KIAA1143: variants seen among roughly 807,000 people sequenced by gnomAD.
KIAA1143 encodes the protein uncharacterized protein KIAA1143.
KIAA1143 carries 8 observed loss-of-function variants against 17.0 expected under a neutral mutation model. That is an observed-to-expected ratio of 0.47 (90% CI 0.28 to 0.85). The LOEUF is 0.85. Among genes scored for constraint, KIAA1143 ranks in the 40% least tolerant of loss-of-function variants. The pLI, the probability that KIAA1143 is intolerant of heterozygous loss-of-function variation, is 0.12. For missense variants in KIAA1143, 162 were observed against 183.3 expected (o/e 0.88, Z 0.67); for synonymous variants, 64 against 67.8 (o/e 0.94, Z 0.27).
intron 1 of KIAA1143, among the ~76,000 whole-genome samples, chr3:44,754,740 A>G (rs939055478): frequency 6.6e-6 from 1 of 152,172 alleles, no homozygotes; most frequent in Non-Finnish European, 1.5e-5. Flanking sequence ...TCTGAGTTAG[A>G]CAAGAAATAA....
At chr3:44,760,372 C>T (rs902266772) in intron 1 of KIAA1143, among the ~76,000 whole-genome samples, 3 of 152,168 alleles carry the variant, frequency 2.0e-5, no homozygotes, top group Non-Finnish European at 4.4e-5. Context: ...AGGATATTTA[C>T]GGCTTCTGCT....
chr3:44,759,839 G>A (rs1705035410), intron 1 of KIAA1143, among the ~76,000 whole-genome samples: 1 of 138,220 alleles, frequency 7.2e-6, no homozygotes. Flanking sequence ...AGGCTGCAGT[G>A]AGCTGTGATT....
Position 44,761,596 on chromosome 3 carries a change from T to G in KIAA1143, c.7A>C (p.Lys3Gln). Residue 3 changes from lysine to glutamine, a missense_variant, in exon 1 of 3, where the codon AAG becomes CAG. Transcript: ENST00000296121. Reference protein sequence around the residue: MSKRNQVSYVRPA... With the variant: MSQRNQVSYVRPA... Reference sequence around the variant, plus strand: ...CGCACGTACGATACCTGGTTCCGCTTGCTCATGGTAGCTCTGGGTAAAGAC... The same window carrying G: ...CGCACGTACGATACCTGGTTCCGCTGGCTCATGGTAGCTCTGGGTAAAGAC... 1 of 1,603,296 alleles carries G rather than the reference T, an allele frequency of 6.2e-7. No individual in the cohort carries two copies. Among genetic ancestry groups the G allele is most frequent in the South Asian group, 1.1e-5 (1 of 90,224 alleles).
chr3:44,757,394 C>G (rs1009742619), intron 1 of KIAA1143, among the ~76,000 whole-genome samples: 1 of 152,208 alleles, frequency 6.6e-6, no homozygotes, highest in African/African-American at 2.4e-5. Flanking sequence ...CCATGACTCT[C>G]AAATCTCTAC....
rs1005857795 is a variant in KIAA1143, at chr3:44,750,177, GAT to G, written c.*3162_*3163del. On this transcript the variant is annotated 3_prime_UTR_variant, in exon 3 of 3. Coordinates refer to ENST00000296121, the MANE Select transcript of KIAA1143 (RefSeq NM_020696.4). Reference sequence around the variant, plus strand: ...ACATAACTTACAAATTAGTAAGAAAGATATGACCATACTAATGGAAAAAAGTT... The same window carrying G: ...ACATAACTTACAAATTAGTAAGAAAGATGACCATACTAATGGAAAAAAGTT... 9.2e-5 allele frequency: 14 copies of G among 152,326 alleles called. No individual in the cohort carries two copies. Among genetic ancestry groups the G allele is most frequent in the Non-Finnish European group, 1.5e-4 (10 of 68,042 alleles). 9.4% of individuals were successfully genotyped at this position (152,326 alleles called of 1,614,324 possible).
intron 1 of KIAA1143, among the ~76,000 whole-genome samples, chr3:44,760,611 G>A (rs1236441744): frequency 2.0e-5 from 3 of 150,756 alleles, no homozygotes; most frequent in African/African-American, 4.9e-5. Context: ...GGATGGTCTC[G>A]ATCTCCTGAC....
At position 44,749,662 on chromosome 3, in the gene KIAA1143, AC is replaced by A. The variant is rs1164609723; in HGVS notation, c.*3678del. 3 of 152,246 alleles carry A rather than the reference AC, an allele frequency of 2.0e-5. No individual in the cohort carries two copies. Among genetic ancestry groups the A allele is most frequent in the Non-Finnish European group, 4.4e-5 (3 of 68,044 alleles). The allele number at this position is 152,246 out of a possible 1,614,324, so 9.4% of individuals were successfully genotyped here. Reference sequence around the variant, plus strand: ...AGATGGCCTTTCAAATAAATGAGAAACACATGGTTCTAGGACAATTGATTAT... The same window carrying A: ...AGATGGCCTTTCAAATAAATGAGAAAACATGGTTCTAGGACAATTGATTAT... On this transcript the variant is annotated 3_prime_UTR_variant, in exon 3 of 3. Coordinates refer to ENST00000296121, the MANE Select transcript of KIAA1143 (RefSeq NM_020696.4).
chr3:44,760,686 C>CTTTTT (rs543256879), intron 1 of KIAA1143, among the ~76,000 whole-genome samples: 2 of 139,174 alleles, frequency 1.4e-5, no homozygotes, highest in African/African-American at 2.7e-5. Flanking sequence ...CCAGGCCCGG[C>CTTTTT]TTTTTTTTTT....
intron 1 of KIAA1143, among the ~76,000 whole-genome samples, chr3:44,760,736 A>G (rs1320000342): frequency 1.6e-5 from 2 of 125,664 alleles, no homozygotes; most frequent in African/African-American, 3.2e-5. Context: ...TCCAGGCTGG[A>G]GTGCAGCTGC....
intron 1 of KIAA1143, among the ~76,000 whole-genome samples, chr3:44,757,458 AG>A (rs1430755820): frequency 6.6e-6 from 1 of 152,220 alleles, no homozygotes; most frequent in Admixed American, 6.5e-5. Context: ...ACCATGCTCG[AG>A]AGTCTATCTA....
At position 44,761,575 on chromosome 3, in the gene KIAA1143, C is replaced by T. The variant is rs1238280012; in HGVS notation, c.28G>A (p.Val10Met). The T allele has an allele frequency of 1.9e-6, 3 of 1,613,538 alleles. No homozygotes were observed. Among genetic ancestry groups the T allele is most frequent in the Non-Finnish European group, 2.5e-6 (3 of 1,179,992 alleles). Residue 10 changes from valine (V) to methionine (M), a missense_variant, in exon 1 of 3, where the codon GTG (valine) becomes ATG (methionine). Coordinates refer to ENST00000296121, the MANE Select transcript of KIAA1143 (RefSeq NM_020696.4). ...AGAAACGCCGGCTCGGCTGGCCGCA[C>T]GTACGATACCTGGTTCCGCTTGCTC... is the stretch of plus-strand genomic sequence containing the variant. Reference protein sequence around the residue: MSKRNQVSYVRPAEPAFLAR... With the variant: MSKRNQVSYMRPAEPAFLAR...
In KIAA1143 at chr3:44,753,597, T is replaced by G. The variant is rs755604114; in HGVS notation, c.254-45A>C. On this transcript the variant is annotated intron_variant, in intron 2 of 2. Transcript: ENST00000296121. ...TTAAGAACTTTCTTCTCCTCATTAT[T>G]TTGCCTTTACCTTAGAAGCAAATAA... The G allele has an allele frequency of 1.9e-6, 3 of 1,570,618 alleles. No individual in the cohort carries two copies. In the South Asian group the frequency reaches 3.5e-5, roughly 18 times the overall value.
chr3:44,754,866 C>A (rs573438928), intron 1 of KIAA1143, among the ~76,000 whole-genome samples: 27 of 152,310 alleles, frequency 1.8e-4, no homozygotes, highest in African/African-American at 6.5e-4. Flanking sequence ...CTATTTTCCA[C>A]GTCTATACAA....
rs571336900 is a variant in KIAA1143 at position 44,754,077 on chromosome 3, C to T, written c.253+147G>A. On this transcript the variant is annotated intron_variant, in intron 2 of 2. Coordinates refer to ENST00000296121, the MANE Select transcript of KIAA1143 (RefSeq NM_020696.4). ...AGGCTGAGAGGTGTAATAACTTGCT[C>T]AAGGTTACACATCTGGTAAGTGTCA... 3.6e-5 allele frequency: 25 copies of T among 690,332 alleles called. No individual in the cohort carries two copies. The African/African-American group carries it at 4.5e-4, about 12-fold the overall frequency. The allele number at this position is 690,332 out of a possible 1,614,324, so 42.8% of individuals were successfully genotyped here.
At chr3:44,759,758 G>A (rs995206989) in intron 1 of KIAA1143, among the ~76,000 whole-genome samples, 3 of 151,936 alleles carry the variant, frequency 2.0e-5, no homozygotes, top group Middle Eastern at 3.4e-3. Flanking sequence ...AGCCAGATGC[G>A]TTAGTTCATG....
In KIAA1143 at chr3:44,753,188, G is replaced by A; in HGVS notation, c.*153C>T. ...TAGAGTTGGCATTTTAAGTCAGAGG[G>A]GTATTGATGAATAGATGTAGTTTAT... On this transcript the variant is annotated 3_prime_UTR_variant, in exon 3 of 3. Transcript: ENST00000296121. 1.9e-6 allele frequency: 1 copy of A among 536,604 alleles called. No homozygotes were observed. The highest frequency in any genetic ancestry group is 2.9e-5 in the East Asian group (1 of 33,956). 33.2% of individuals were successfully genotyped at this position (536,604 alleles called of 1,614,324 possible). A position where few individuals can be genotyped will look rare whatever the true frequency, so the allele number is the denominator to read the frequency against.
In KIAA1143 at chr3:44,750,216, T is replaced by G. The variant is rs1015861718; in HGVS notation, c.*3125A>C. On this transcript the variant is annotated 3_prime_UTR_variant, in exon 3 of 3. Coordinates refer to ENST00000296121, the MANE Select transcript of KIAA1143 (RefSeq NM_020696.4). ...AATGGAAAAAAGTTAATTCAAAAAC[T>G]TTTGACCTTAAACTAACTTTTTGGA... The G allele has an allele frequency of 2.6e-5, 4 of 152,322 alleles. No homozygotes were observed. The highest frequency in any genetic ancestry group is 9.6e-5 in the African/African-American group (4 of 41,562). 9.4% of individuals were successfully genotyped at this position (152,322 alleles called of 1,614,324 possible).
Position 44,753,514 on chromosome 3 carries a change from G to A in KIAA1143, c.292C>T (p.Arg98Ter), listed in dbSNP as rs375230819. The change falls in exon 3 of 3, where the codon CGA (arginine) becomes TGA (stop). Residue 98 changes from arginine (R) to a stop codon, truncating the protein, a stop_gained. Coordinates refer to ENST00000296121, the MANE Select transcript of KIAA1143 (RefSeq NM_020696.4). LOFTEE classifies it high-confidence loss of function. The part of the protein sequence containing the change: ...PTPADGRIIY[R>*]KPVKHPSDEK... ...TCTGAGGGATGCTTGACTGGTTTTC[G>A]ATATATGATTCTTCCATCGGCTGGA... The A allele has an allele frequency of 6.8e-6, 11 of 1,611,990 alleles. No homozygotes were observed. The highest frequency in any genetic ancestry group is 6.7e-5 in the African/African-American group (5 of 74,834).
chr3:44,759,187 GA>G (rs1238499608), intron 1 of KIAA1143, among the ~76,000 whole-genome samples: 1 of 152,094 alleles, frequency 6.6e-6, no homozygotes, highest in African/African-American at 2.4e-5. Context: ...TAATAAGACT[GA>G]AAATAGAAAT....
Sources: gnomAD v4.1 joint callset for allele counts (sites outside exome capture counted in the v4.1 genomes callset) on GRCh38, gnomAD v4.1.1 for gene constraint, MANE v1.5 for transcripts, NCBI Gene and HGNC (gene_info 2026-07-23, HGNC 2026-07-21) for gene names.